Variants in ENKUR observed in about 807,000 individuals in gnomAD.
ENKUR encodes enkurin.
ENKUR carries 19 observed loss-of-function variants against 27.6 expected under a neutral mutation model. The ratio of observed to expected loss-of-function variants is 0.69; its 90% CI spans 0.48 to 1.01. The LOEUF (loss-of-function observed/expected upper bound fraction) is 1.01, where lower values mean the gene tolerates loss of function less well. Ranked by LOEUF, ENKUR falls within the 50% of genes least tolerant of loss-of-function variation. ENKUR has a pLI of 0.00. For synonymous variants in ENKUR, 117 were observed against 96.9 expected, an observed-to-expected ratio of 1.21 and a Z score of -1.22; for missense variants, 312 against 310.5, an observed-to-expected ratio of 1.00 and a Z score of -0.04.
intron 1 of ENKUR, among the ~76,000 whole-genome samples, chr10:25,007,898 A>C (rs1850351973): frequency 6.6e-6 from 1 of 151,534 alleles, no homozygotes; most frequent in Admixed American, 6.6e-5. Context: ...TATCCTGTCA[A>C]CCACATAGTT....
At chr10:24,997,451 A>G (rs547763535) in intron 2 of ENKUR, among the ~76,000 whole-genome samples, 2 of 150,816 alleles carry the variant, frequency 1.3e-5, no homozygotes, top group East Asian at 3.9e-4. Context: ...CAGTGATGCA[A>G]TCATAGCTCA....
At position 25,023,916 on chromosome 10, in the gene ENKUR, C is replaced by G. The variant is rs766823363; in HGVS notation, c.38-28047G>C. The G allele has an allele frequency of 5.6e-6, 9 of 1,614,036 alleles. No homozygotes were observed. In the South Asian group the frequency reaches 8.8e-5, roughly 16 times the overall value. ...ACCAAGATGTGGACTCGGAAACATT[C>G]ATTTCAACAAGACACGTTTGGCCTG... On this transcript the variant is annotated intron_variant, in intron 2 of 5. Coordinates refer to the ENKUR transcript ENST00000615958.
intron 2 of ENKUR, among the ~76,000 whole-genome samples, chr10:25,056,272 G>T (rs1851254589): frequency 1.3e-5 from 2 of 152,194 alleles, no homozygotes; most frequent in African/African-American, 4.8e-5. Context: ...ACTATAGGCT[G>T]TATACAGAGA....
chr10:25,017,452 C>G (rs1201170115), upstream of ENKUR, among the ~76,000 whole-genome samples: 2 of 152,216 alleles, frequency 1.3e-5, no homozygotes, highest in East Asian at 1.9e-4. Flanking sequence ...GGAGAGAAAA[C>G]ACACTTGAGT....
chr10:25,010,016 C>T (rs1850404873), intron 1 of ENKUR, among the ~76,000 whole-genome samples: 1 of 151,968 alleles, frequency 6.6e-6, no homozygotes, highest in African/African-American at 2.4e-5. Context: ...ATAAAGATAC[C>T]CAAAAATGTG....
At chr10:25,002,204 C>T (rs1015966925) in intron 1 of ENKUR, among the ~76,000 whole-genome samples, 8 of 152,324 alleles carry the variant, frequency 5.3e-5, no homozygotes, top group Non-Finnish European at 1.0e-4. Context: ...GGTGGGAACA[C>T]GAACTTTACC....
At chr10:25,019,224 G>A (rs1850671293), upstream of ENKUR, among the ~76,000 whole-genome samples, 1 of 152,180 alleles carries the variant, frequency 6.6e-6, no homozygotes, top group Non-Finnish European at 1.5e-5. Flanking sequence ...TGCAATCCAA[G>A]CACTTTTTGA....
At chr10:25,053,358 T>C (rs563577180) in intron 2 of ENKUR, among the ~76,000 whole-genome samples, 33 of 152,294 alleles carry the variant, frequency 2.2e-4, no homozygotes, top group African/African-American at 7.9e-4. Context: ...TTATTAACTA[T>C]AGTCTCCAAG....
chr10:25,024,775 G>T (rs1476126777), intron 2 of ENKUR: 2 of 1,614,168 alleles, frequency 1.2e-6, no homozygotes, highest in Non-Finnish European at 1.7e-6. Flanking sequence ...TTTAGCAGCA[G>T]TGTATGCCAA....
intron 1 of ENKUR, among the ~76,000 whole-genome samples, chr10:25,014,922 T>C (rs1850530704): frequency 1.3e-5 from 2 of 152,216 alleles, no homozygotes; most frequent in African/African-American, 4.8e-5. Context: ...GGATATTATC[T>C]GGTACATTTA....
At chr10:25,045,632 CATT>C (rs1383340757) in intron 2 of ENKUR, among the ~76,000 whole-genome samples, 1 of 152,168 alleles carries the variant, frequency 6.6e-6, no homozygotes, top group Non-Finnish European at 1.5e-5. Context: ...GAAACTGAGA[CATT>C]GTTGACTAAT....
At chr10:25,051,728 C>A (rs1419745774) in intron 2 of ENKUR, among the ~76,000 whole-genome samples, 1 of 152,228 alleles carries the variant, frequency 6.6e-6, no homozygotes, top group African/African-American at 2.4e-5. Flanking sequence ...GAGATTTGGG[C>A]AGGGACAAAT....
chr10:25,048,550 C>G (rs1044485994), intron 2 of ENKUR, among the ~76,000 whole-genome samples: 2 of 151,898 alleles, frequency 1.3e-5, no homozygotes, highest in Admixed American at 1.3e-4. Flanking sequence ...AGAAAGAAAA[C>G]CAAGCCCCAG....
chr10:24,996,715 C>T (rs1034910246), intron 2 of ENKUR, among the ~76,000 whole-genome samples: 3 of 152,128 alleles, frequency 2.0e-5, no homozygotes, highest in East Asian at 3.8e-4. Flanking sequence ...CATCATTTGA[C>T]CTTTTTTATT....
intron 2 of ENKUR, among the ~76,000 whole-genome samples, chr10:25,032,332 C>A (rs1033191937): frequency 6.0e-5 from 9 of 151,234 alleles, no homozygotes; most frequent in African/African-American, 2.2e-4. Flanking sequence ...GGGCTATGAT[C>A]GTTACCATTC....
upstream of ENKUR, among the ~76,000 whole-genome samples, chr10:25,017,222 G>A (rs912897078): frequency 6.6e-6 from 1 of 152,184 alleles, no homozygotes; most frequent in African/African-American, 2.4e-5. Context: ...GGTGTCCCTT[G>A]TTGGAAAATT....
chr10:25,016,967 C>CGT (rs1850602951), upstream of ENKUR, among the ~76,000 whole-genome samples: 1 of 152,150 alleles, frequency 6.6e-6, no homozygotes, highest in Admixed American at 6.5e-5. Context: ...CTGCCCGCCA[C>CGT]GTGTGTGAGT....
At chr10:25,001,025 A>G (rs1383578478) in intron 1 of ENKUR, among the ~76,000 whole-genome samples, 1 of 151,988 alleles carries the variant, frequency 6.6e-6, no homozygotes, top group Non-Finnish European at 1.5e-5. Flanking sequence ...GTTGTAATAT[A>G]TTTTACTTTT....
At chr10:25,036,203 T>C (rs771646783) in intron 2 of ENKUR, among the ~76,000 whole-genome samples, 1 of 152,150 alleles carries the variant, frequency 6.6e-6, no homozygotes, top group Non-Finnish European at 1.5e-5. Context: ...TGGGAGATAA[T>C]TGAATCATGG....
Sources: allele counts gnomAD v4.1 joint callset (sites outside exome capture counted in the v4.1 genomes callset), GRCh38; gene constraint gnomAD v4.1.1; transcripts MANE v1.5; gene names NCBI Gene and HGNC (gene_info 2026-07-23, HGNC 2026-07-21).